The following KCNQ1OT1 variants were observed in gnomAD, a reference collection of about 807,000 sequenced individuals.
KCNQ1OT1 encodes the protein KCNQ1 antisense RNA 2 (non-protein coding).
chr11:2,666,224 C>G (rs890844266), exon 1 of KCNQ1OT1: 3 of 398,576 alleles, frequency 7.5e-6, no homozygotes, highest in Non-Finnish European at 8.8e-6. Flanking sequence ...CAGGGAGCAC[C>G]CGGCCCATTG....
chr11:2,629,045 A>G (rs11023545), exon 1 of KCNQ1OT1: 32,698 of 398,080 alleles, frequency 0.082, 1,425 homozygotes, highest in South Asian at 0.16. Context: ...CTTTGTTCTT[A>G]TTGCTCAAGT....
exon 1 of KCNQ1OT1, chr11:2,697,021 C>T (rs1023543373): frequency 2.5e-6 from 1 of 398,284 alleles, no homozygotes; most frequent in Non-Finnish European, 4.4e-6. Flanking sequence ...CTGGGGATTC[C>T]AGAGAGCCCC....
chr11:2,679,458 T>C lies in KCNQ1OT1; in HGVS notation n.20537A>G, dbSNP rs142258639. ...TTAGGAGGATTACACAAATTAATAA[T>C]ATAAAGTATGCAGAAAAGTGCCTGT... is the stretch of plus-strand genomic sequence containing the variant. On this transcript the variant is annotated non_coding_transcript_exon_variant, in exon 1 of 1. Transcript: ENST00000597346. The surrounding 1 kb of genome is among the most constrained non-coding windows in gnomAD (Gnocchi z 4.8). The C allele has an allele frequency of 5.4e-3, 2,167 of 398,598 alleles. 20 individuals carry two copies. The highest frequency in any genetic ancestry group is 0.018 in the Middle Eastern group (28 of 1,588). The allele number at this position is 398,598 out of a possible 1,614,324, so 24.7% of individuals were successfully genotyped here.
exon 1 of KCNQ1OT1, chr11:2,646,850 C>A (rs985809936): frequency 2.5e-6 from 1 of 398,488 alleles, no homozygotes; most frequent in Non-Finnish European, 4.4e-6. Context: ...TTTTATCCTG[C>A]AACTTTATTG....
In KCNQ1OT1 at chr11:2,675,100, C is replaced by A. The variant is rs187065792; in HGVS notation, n.24895G>T. 2.6e-3 allele frequency: 1,047 copies of A among 398,628 alleles called. 34 individuals are homozygous for A. The Admixed American group carries it at 0.039, about 15-fold the overall frequency. The allele number at this position is 398,628 out of a possible 1,614,324, so 24.7% of individuals were successfully genotyped here. A position where few individuals can be genotyped will look rare whatever the true frequency, so the allele number is the denominator to read the frequency against. Reference sequence around the variant, plus strand: ...CTAGTGTGGGCATGTCCTGAGTGGACAGACCTGAAGGTGGGTTCACTAGCC... The same window carrying A: ...CTAGTGTGGGCATGTCCTGAGTGGAAAGACCTGAAGGTGGGTTCACTAGCC... On this transcript the variant is annotated non_coding_transcript_exon_variant, in exon 1 of 1. Coordinates refer to ENST00000597346, the Ensembl canonical transcript of KCNQ1OT1.
rs1316465420 is a variant in KCNQ1OT1 at position 2,698,727 on chromosome 11, G to C, written n.1268C>G. The C allele has an allele frequency of 1.8e-5, 7 of 398,554 alleles. No individual in the cohort carries two copies. Among genetic ancestry groups the C allele is most frequent in the Non-Finnish European group, 2.7e-5 (6 of 226,184 alleles). The allele number at this position is 398,554 out of a possible 1,614,324, so 24.7% of individuals were successfully genotyped here. On this transcript the variant is annotated non_coding_transcript_exon_variant, in exon 1 of 1. Coordinates refer to ENST00000597346, the Ensembl canonical transcript of KCNQ1OT1. The surrounding 1 kb of genome is among the most constrained non-coding windows in gnomAD (Gnocchi z 5.1). The stretch of plus-strand genomic sequence containing the variant: ...AGACCCTGACTCCAGTCGCCAACTC[G>C]GACCTCCCTTGGATCTCAACTCAGA...
Position 2,693,361 on chromosome 11 carries a change from C to T in KCNQ1OT1, n.6634G>A, listed in dbSNP as rs149414092. On this transcript the variant is annotated non_coding_transcript_exon_variant, in exon 1 of 1. Transcript: ENST00000597346. ...AGCCAACCAGACCCTGGGTGGGGGC[C>T]GAGTCTGGCCAAGCAGCAGTGTGTG... 1.1e-3 allele frequency: 453 copies of T among 398,726 alleles called. 1 individual carries two copies. Among genetic ancestry groups the T allele is most frequent in the African/African-American group, 8.4e-3 (410 of 48,766 alleles). 24.7% of individuals were successfully genotyped at this position (398,726 alleles called of 1,614,324 possible). A position where few individuals can be genotyped will look rare whatever the true frequency, so the allele number is the denominator to read the frequency against.
Position 2,631,925 on chromosome 11 carries a change from G to A in KCNQ1OT1, n.68070C>T, listed in dbSNP as rs1214559942. ...AAGCTGGGCGCAGTGGCTCACGCCT[G>A]TAATCCCAGCACTTTGGGAGGCTGA... On this transcript the variant is annotated non_coding_transcript_exon_variant, in exon 1 of 1. Transcript: ENST00000597346. 7 of 397,330 alleles carry A rather than the reference G, an allele frequency of 1.8e-5. No homozygotes were observed. The Admixed American group carries it at 3.1e-4, about 18-fold the overall frequency. The allele number at this position is 397,330 out of a possible 1,614,324, so 24.6% of individuals were successfully genotyped here.
Position 2,627,182 on chromosome 11 carries a change from C to CA in KCNQ1OT1, n.72812dup. On this transcript the variant is annotated non_coding_transcript_exon_variant, in exon 1 of 1. Coordinates refer to ENST00000597346, the Ensembl canonical transcript of KCNQ1OT1. This position sits in a 1 kb window ranked among gnomAD's most constrained non-coding sequence, Gnocchi z 4.9. ...AGTTTGTTATTCTTGATGCTTTTTT[C>CA]AGCTTTTATTGAGGTATAATTGACA... is the stretch of plus-strand genomic sequence containing the variant. 1 of 398,386 alleles carries CA rather than the reference C, an allele frequency of 2.5e-6. No homozygotes were observed. The highest frequency in any genetic ancestry group is 4.4e-6 in the Non-Finnish European group (1 of 226,006). 24.7% of individuals were successfully genotyped at this position (398,386 alleles called of 1,614,324 possible). A position where few individuals can be genotyped will look rare whatever the true frequency, so the allele number is the denominator to read the frequency against.
chr11:2,625,351 G>A (rs1849245708), exon 1 of KCNQ1OT1: 2 of 398,546 alleles, frequency 5.0e-6, no homozygotes, highest in African/African-American at 2.1e-5. Flanking sequence ...AGACCTCTGG[G>A]CTTAGGCTAT....
At chr11:2,665,356 A>G (rs1293400280) in exon 1 of KCNQ1OT1, 2 of 397,938 alleles carry the variant, frequency 5.0e-6, no homozygotes, top group East Asian at 3.6e-5. Context: ...GCAGTTGGGG[A>G]GCACCCCCAT....
In KCNQ1OT1 at chr11:2,691,767, G is replaced by C; in HGVS notation, n.8228C>G. On this transcript the variant is annotated non_coding_transcript_exon_variant, in exon 1 of 1. Transcript: ENST00000597346. This position sits in a 1 kb window ranked among gnomAD's most constrained non-coding sequence, Gnocchi z 6.4. ...GGACATTCCACTAGGGCCATTTGCAGGCCAGTGGCCATCCACTGCCAGCAA... is the reference window on the plus strand; with the variant it reads ...GGACATTCCACTAGGGCCATTTGCACGCCAGTGGCCATCCACTGCCAGCAA... The C allele has an allele frequency of 5.0e-6, 2 of 398,700 alleles. No homozygotes were observed. The highest frequency in any genetic ancestry group is 4.4e-6 in the Non-Finnish European group (1 of 226,158). The allele number at this position is 398,700 out of a possible 1,614,324, so 24.7% of individuals were successfully genotyped here.
At chr11:2,688,534 T>G (rs1850532215) in exon 1 of KCNQ1OT1, 2 of 398,700 alleles carry the variant, frequency 5.0e-6, no homozygotes, top group South Asian at 1.3e-4. Flanking sequence ...GCCAGGCCAG[T>G]GGCCCTAGTG....
chr11:2,697,004 G>A (rs2133898982), exon 1 of KCNQ1OT1: 2 of 398,264 alleles, frequency 5.0e-6, no homozygotes, highest in Admixed American at 8.8e-5. Context: ...AATTTTCAAA[G>A]TGTAGTCTGG....
chr11:2,677,376 G>A lies in KCNQ1OT1; in HGVS notation n.22619C>T. 1 of 398,586 alleles carries A rather than the reference G, an allele frequency of 2.5e-6. No individual in the cohort carries two copies. The highest frequency in any genetic ancestry group is 4.4e-6 in the Non-Finnish European group (1 of 226,044). The allele number at this position is 398,586 out of a possible 1,614,324, so 24.7% of individuals were successfully genotyped here. A position where few individuals can be genotyped will look rare whatever the true frequency, so the allele number is the denominator to read the frequency against. On this transcript the variant is annotated non_coding_transcript_exon_variant, in exon 1 of 1. Transcript: ENST00000597346. The surrounding 1 kb of genome is among the most constrained non-coding windows in gnomAD (Gnocchi z 4.5). ...GAGTAGACCAGTTAGTTAATCAGTTGAAGAGGAAACCAAGATCGATGCCTA... is the reference window on the plus strand; with the variant it reads ...GAGTAGACCAGTTAGTTAATCAGTTAAAGAGGAAACCAAGATCGATGCCTA...
rs1849941280 is a variant in KCNQ1OT1 at position 2,660,826 on chromosome 11, C to G, written n.39169G>C. 4 of 398,620 alleles carry G rather than the reference C, an allele frequency of 1.0e-5. No individual in the cohort carries two copies. The South Asian group carries it at 5.1e-4, about 51-fold the overall frequency. The allele number at this position is 398,620 out of a possible 1,614,324, so 24.7% of individuals were successfully genotyped here. On this transcript the variant is annotated non_coding_transcript_exon_variant, in exon 1 of 1. Transcript: ENST00000597346. ...ACATTTATTAAAATTACTAAGGACA[C>G]ACCCTCTCACCCTGCTCCAGTATGT...
chr11:2,644,766 C>G (rs542102868), exon 1 of KCNQ1OT1: 1 of 398,588 alleles, frequency 2.5e-6, no homozygotes, highest in East Asian at 3.6e-5. Flanking sequence ...GGTTTTGATT[C>G]TGGGTGCCTG....
rs2133843846 is a variant in KCNQ1OT1 at position 2,651,927 on chromosome 11, A to C, written n.48068T>G. The C allele has an allele frequency of 2.5e-6, 1 of 398,568 alleles. No homozygotes were observed. The highest frequency in any genetic ancestry group is 2.1e-5 in the African/African-American group (1 of 48,700). The allele number at this position is 398,568 out of a possible 1,614,324, so 24.7% of individuals were successfully genotyped here. The stretch of plus-strand genomic sequence containing the variant: ...CTCTGGGGCCGCTTGCTCTCCTCCT[A>C]CTCACAGCCCTCCTGCAGCCAGCAG... On this transcript the variant is annotated non_coding_transcript_exon_variant, in exon 1 of 1. Transcript: ENST00000597346. This position sits in a 1 kb window ranked among gnomAD's most constrained non-coding sequence, Gnocchi z 6.1.
exon 1 of KCNQ1OT1, chr11:2,610,334 C>A (rs144313257): frequency 2.5e-6 from 1 of 397,924 alleles, no homozygotes; most frequent in Non-Finnish European, 4.4e-6. Flanking sequence ...CTTTATTATG[C>A]GCTATTATAA....
Sources: gnomAD v4.1 joint callset for allele counts on GRCh38, gnomAD v4.1.1 for gene constraint, Gnocchi (gnomAD v3.1) non-coding constraint, MANE v1.5 for transcripts, NCBI Gene and HGNC (gene_info 2026-07-23, HGNC 2026-07-21) for gene names.